PCDHA1: variants seen among roughly 807,000 people sequenced by gnomAD.
PCDHA1 encodes the protein protocadherin alpha 1, also known as protocadherin alpha-1.
Under a neutral mutation model 61.3 loss-of-function variants are expected in PCDHA1, and 42 were observed. That is an observed-to-expected ratio of 0.69 (90% confidence interval 0.54 to 0.89). PCDHA1 has a LOEUF of 0.89. PCDHA1 is among the 40% of genes least tolerant of loss of function. The probability of loss-of-function intolerance (pLI) is 0.00; values close to 1 mark genes in which losing one functional copy is unlikely to be tolerated. For missense variants in PCDHA1, 1,256 were observed against 1,235.3 expected (o/e 1.02, Z -0.25); for synonymous variants, 610 against 553.8 (o/e 1.10, Z -1.43).
At chr5:140,811,570 G>T (rs868972680) in intron 1 of PCDHA1, 1 of 152,136 alleles carries the variant, frequency 6.6e-6, no homozygotes, top group African/African-American at 2.4e-5. Context: ...TTGAGGAATC[G>T]CCACACTGTC....
At chr5:140,835,927 G>T (rs2150248499) in intron 1 of PCDHA1, 3 of 1,612,438 alleles carry the variant, frequency 1.9e-6, no homozygotes, top group African/African-American at 1.3e-5. Context: ...GCGGAGAGCG[G>T]CAAGGTGTAC....
chr5:140,822,414 A>T, intron 1 of PCDHA1: 2 of 1,614,090 alleles, frequency 1.2e-6, no homozygotes, highest in Non-Finnish European at 1.7e-6. Flanking sequence ...TAGTGATTGC[A>T]ACTGATGGAG....
chr5:140,807,526 G>T, intron 1 of PCDHA1: 1 of 1,614,130 alleles, frequency 6.2e-7, no homozygotes, highest in South Asian at 1.1e-5. Flanking sequence ...TAGACAGGCC[G>T]CTGCAGGTTT....
chr5:140,786,265 C>T lies in PCDHA1; in HGVS notation c.-26C>T, dbSNP rs781941794. Reference sequence around the variant, plus strand: ...GCATGATTTTGAAGTAAGAGGAGAGCATAAGAAAGGTGTAGTCCTTTTGCA... The same window carrying T: ...GCATGATTTTGAAGTAAGAGGAGAGTATAAGAAAGGTGTAGTCCTTTTGCA... On this transcript the variant is annotated 5_prime_UTR_variant, in exon 1 of 4. Coordinates refer to ENST00000504120, the MANE Select transcript of PCDHA1 (RefSeq NM_018900.4). 1 of 1,557,802 alleles carries T rather than the reference C, an allele frequency of 6.4e-7. No individual in the cohort carries two copies. The highest frequency in any genetic ancestry group is 2.0e-5 in the Admixed American group (1 of 50,606).
At position 140,818,518 on chromosome 5, in the gene PCDHA1, G is replaced by A. The variant is rs189749531; in HGVS notation, c.2394+29834G>A. Among the ~76,000 whole-genome samples, 14 of 152,286 alleles carry A rather than the reference G, an allele frequency of 9.2e-5. No homozygotes were observed. The East Asian group carries it at 2.1e-3, about 23-fold the overall frequency. ...TGGATTTTAAAATCAGATATAACCT[G>A]AGAGATTATCATTTTTCTCCATTTA... On this transcript the variant is annotated intron_variant, in intron 1 of 3. Coordinates refer to ENST00000504120, the MANE Select transcript of PCDHA1 (RefSeq NM_018900.4).
intron 1 of PCDHA1, among the ~76,000 whole-genome samples, chr5:140,976,893 A>G (rs1240555240): frequency 2.0e-5 from 3 of 152,212 alleles, no homozygotes; most frequent in African/African-American, 7.2e-5. Context: ...GATACATGCA[A>G]CAGTATGTAA....
intron 1 of PCDHA1, chr5:140,836,608 C>G (rs2150265408): frequency 1.9e-6 from 3 of 1,613,518 alleles, no homozygotes; most frequent in Admixed American, 3.3e-5. Flanking sequence ...CTGGTGTGCT[C>G]CAGCGCGGTG....
intron 1 of PCDHA1, among the ~76,000 whole-genome samples, chr5:140,932,235 G>A (rs372410374): frequency 4.0e-5 from 6 of 151,638 alleles, no homozygotes; most frequent in African/African-American, 1.5e-4. Context: ...TTTTAGAATG[G>A]TATCTAAGAG....
At chr5:140,883,758 G>T in intron 1 of PCDHA1, 1 of 1,612,920 alleles carries the variant, frequency 6.2e-7, no homozygotes, top group Non-Finnish European at 8.5e-7. Flanking sequence ...CTGGTGGAGC[G>T]GCGGGTGGGC....
intron 1 of PCDHA1, chr5:140,930,385 C>T (rs1335168502): frequency 6.6e-6 from 1 of 151,798 alleles, no homozygotes; most frequent in Non-Finnish European, 1.5e-5. Flanking sequence ...CTTGGCATTT[C>T]AAAACTTCTT....
chr5:140,848,473 T>C lies in PCDHA1; in HGVS notation c.2394+59789T>C, dbSNP rs2150410947. 9.6e-6 allele frequency: 15 copies of C among 1,556,324 alleles called. No individual in the cohort carries two copies. In the East Asian group the frequency reaches 3.4e-4, roughly 35 times the overall value. On this transcript the variant is annotated intron_variant, in intron 1 of 3. Transcript: ENST00000504120. ...TAATTTGGAGGCAATTTTCACTAATTAGAAGAAGACTGAGTATTTGAAATG... is the reference window on the plus strand; with the variant it reads ...TAATTTGGAGGCAATTTTCACTAATCAGAAGAAGACTGAGTATTTGAAATG...
At chr5:140,927,795 G>A (rs781829757) in intron 1 of PCDHA1, 39 of 1,614,144 alleles carry the variant, frequency 2.4e-5, no homozygotes, top group Non-Finnish European at 3.2e-5. Context: ...CACTAGGTCC[G>A]CCTGAAACGC....
At chr5:140,815,479 C>G (rs1197812042) in intron 1 of PCDHA1, 1 of 152,058 alleles carries the variant, frequency 6.6e-6, no homozygotes, top group Non-Finnish European at 1.5e-5. Context: ...TACTTCTCCC[C>G]TACCCAAATT....
chr5:140,975,811 A>G (rs2096684538), intron 1 of PCDHA1, among the ~76,000 whole-genome samples: 3 of 134,728 alleles, frequency 2.2e-5, no homozygotes, highest in Non-Finnish European at 5.2e-5. Context: ...TATAATTTTA[A>G]TAGGAACTGA....
At chr5:140,898,026 T>G (rs11167645) in intron 1 of PCDHA1, among the ~76,000 whole-genome samples, 49,476 of 151,852 alleles carry the variant, frequency 0.33, 8,303 homozygotes, top group East Asian at 0.53. Flanking sequence ...GCCCACTTTT[T>G]GATGGGGTTG....
intron 1 of PCDHA1, chr5:140,866,782 C>A (rs1318646938): frequency 1.3e-5 from 2 of 152,160 alleles, no homozygotes; most frequent in Admixed American, 6.5e-5. Context: ...TATGTCCTGA[C>A]TGATATAGTA....
intron 1 of PCDHA1, chr5:140,822,561 A>T (rs1462870943): frequency 8.1e-6 from 13 of 1,613,422 alleles, no homozygotes; most frequent in Non-Finnish European, 1.1e-5. Flanking sequence ...TAGTTATTAA[A>T]CTGAACGCCT....
intron 1 of PCDHA1, chr5:140,871,625 ATGTC>A (rs1304722830): frequency 2.1e-6 from 3 of 1,403,018 alleles, no homozygotes; most frequent in Non-Finnish European, 2.8e-6. Context: ...TTAGATAACA[ATGTC>A]TGTTCATAAA....
chr5:140,893,922 G>C (rs1179113151), intron 1 of PCDHA1, among the ~76,000 whole-genome samples: 4 of 152,156 alleles, frequency 2.6e-5, no homozygotes. Context: ...GTCTTTTTCA[G>C]AATCTCTACC....
Sources: gnomAD v4.1 joint callset for allele counts (sites outside exome capture counted in the v4.1 genomes callset) on GRCh38, gnomAD v4.1.1 for gene constraint, MANE v1.5 for transcripts, NCBI Gene and HGNC (gene_info 2026-07-23, HGNC 2026-07-21) for gene names.